The following NRG1 variants were observed in gnomAD, a reference collection of about 807,000 sequenced individuals.
NRG1 encodes the protein neuregulin 1, also known as pro-neuregulin-1, membrane-bound isoform.
Under a neutral mutation model 63.8 loss-of-function variants are expected in NRG1, and 18 were observed. That is an observed-to-expected ratio of 0.28 (90% CI 0.19 to 0.42). The LOEUF is 0.42. NRG1 is among the 10% of genes least tolerant of loss of function. NRG1 has a pLI of 1.00. For missense variants in NRG1, 762 were observed against 814.7 expected (o/e 0.94, Z 0.79); for synonymous variants, 302 against 301.3 (o/e 1.00, Z -0.02).
At chr8:31,855,024 A>G (rs1367154539) in intron 1 of NRG1, among the ~76,000 whole-genome samples, 1 of 151,970 alleles carries the variant, frequency 6.6e-6, no homozygotes, top group African/African-American at 2.4e-5. Flanking sequence ...GGAGAGCTTT[A>G]CCTCCAAGTA....
intron 1 of NRG1, among the ~76,000 whole-genome samples, chr8:31,901,697 C>G (rs138398118): frequency 6.6e-6 from 1 of 152,282 alleles, no homozygotes; most frequent in Admixed American, 6.5e-5. Flanking sequence ...GTCTGGTAAA[C>G]AATCCATGAT....
intron 1 of NRG1, among the ~76,000 whole-genome samples, chr8:31,800,035 G>A (rs977711006): frequency 7.2e-5 from 11 of 152,292 alleles, no homozygotes; most frequent in South Asian, 4.1e-4. Context: ...TGGAAACATC[G>A]TCATCTGTTG....
intron 1 of NRG1, among the ~76,000 whole-genome samples, chr8:31,695,952 C>A (rs906666393): frequency 6.6e-6 from 1 of 152,094 alleles, no homozygotes; most frequent in African/African-American, 2.4e-5. Flanking sequence ...GTTCTGCCCC[C>A]CTTAACTGTA....
At chr8:31,685,109 A>G (rs970752265) in intron 1 of NRG1, among the ~76,000 whole-genome samples, 2 of 150,020 alleles carry the variant, frequency 1.3e-5, no homozygotes, top group Admixed American at 1.3e-4. Flanking sequence ...TCAAGCTCAC[A>G]TATTAAAAAT....
chr8:32,656,019 T>A (rs1801403812), intron 5 of NRG1, among the ~76,000 whole-genome samples: 1 of 152,158 alleles, frequency 6.6e-6, no homozygotes. Flanking sequence ...AATTAACGTC[T>A]ATGAGTTGTT....
rs140478691 is a variant in NRG1 at position 31,662,609 on chromosome 8, C to T, written c.37+23178C>T. ...AGGAACTGTTTGTGTGAGATAGATGCAATGGTAAATAAGTCAAGGTCGTCA... is the reference window on the plus strand; with the variant it reads ...AGGAACTGTTTGTGTGAGATAGATGTAATGGTAAATAAGTCAAGGTCGTCA... On this transcript the variant is annotated intron_variant, in intron 1 of 10. Transcript: ENST00000519301. Among the ~76,000 whole-genome samples, 239 of 152,244 alleles carry T rather than the reference C, an allele frequency of 1.6e-3. 1 individual carries two copies. The highest frequency in any genetic ancestry group is 5.4e-3 in the African/African-American group (224 of 41,550).
chr8:32,300,200 G>A (rs537361302), intron 1 of NRG1, among the ~76,000 whole-genome samples: 2 of 152,088 alleles, frequency 1.3e-5, no homozygotes, highest in Admixed American at 6.5e-5. Context: ...TGAAAAAAAC[G>A]TGCAATATGA....
chr8:31,907,803 G>A (rs146137034), intron 1 of NRG1, among the ~76,000 whole-genome samples: 217 of 152,188 alleles, frequency 1.4e-3, no homozygotes, highest in Admixed American at 3.6e-3. Flanking sequence ...TTGAATTGAT[G>A]AACCTCTGAT....
intron 1 of NRG1, among the ~76,000 whole-genome samples, chr8:31,678,779 T>C (rs1167004048): frequency 7.1e-6 from 1 of 140,014 alleles, no homozygotes; most frequent in African/African-American, 3.0e-5. Flanking sequence ...ATATTGATAT[T>C]AAATATTTAA....
At chr8:31,927,921 G>T (rs1834523036) in intron 1 of NRG1, among the ~76,000 whole-genome samples, 2 of 147,400 alleles carry the variant, frequency 1.4e-5, no homozygotes, top group South Asian at 2.1e-4. Flanking sequence ...CAACGTGCAG[G>T]TTTGTTACAT....
At chr8:31,999,836 A>G (rs983944) in intron 1 of NRG1, among the ~76,000 whole-genome samples, 93,735 of 151,944 alleles carry the variant, frequency 0.62, 33,079 homozygotes, top group Non-Finnish European at 0.79. Context: ...TACATTTTGT[A>G]AATAAACAGC....
intron 1 of NRG1, among the ~76,000 whole-genome samples, chr8:31,975,097 A>C (rs1009327952): frequency 6.6e-6 from 1 of 152,154 alleles, no homozygotes; most frequent in Non-Finnish European, 1.5e-5. Flanking sequence ...AATAATTATA[A>C]TAGTGTAGAA....
At chr8:32,209,038 G>C (rs536970728) in intron 1 of NRG1, among the ~76,000 whole-genome samples, 3 of 152,208 alleles carry the variant, frequency 2.0e-5, no homozygotes, top group Admixed American at 2.0e-4. Context: ...TTTGAATCCT[G>C]TCTCTGCCAT....
chr8:32,053,063 TA>T (rs1040287904), intron 1 of NRG1, among the ~76,000 whole-genome samples: 1 of 152,132 alleles, frequency 6.6e-6, no homozygotes, highest in African/African-American at 2.4e-5. Context: ...CTAAGGTACA[TA>T]AGAATAAGAA....
At chr8:32,224,194 T>C (rs558702855) in intron 1 of NRG1, among the ~76,000 whole-genome samples, 1 of 152,340 alleles carries the variant, frequency 6.6e-6, no homozygotes, top group Admixed American at 6.5e-5. Context: ...TCTTGTTTAC[T>C]GTGTCTAAGG....
chr8:32,371,074 T>G (rs1056257066), intron 1 of NRG1, among the ~76,000 whole-genome samples: 2 of 151,824 alleles, frequency 1.3e-5, no homozygotes, highest in Non-Finnish European at 2.9e-5. Context: ...TAGCCGGGTG[T>G]GCTGGTGCAT....
At chr8:32,294,186 C>A (rs541282782) in intron 1 of NRG1, among the ~76,000 whole-genome samples, 4 of 152,280 alleles carry the variant, frequency 2.6e-5, no homozygotes, top group African/African-American at 7.2e-5. Context: ...AAGTCCTCCC[C>A]CTGCTGGTTA....
At chr8:31,710,194 A>G (rs1346565639) in intron 1 of NRG1, among the ~76,000 whole-genome samples, 1 of 151,832 alleles carries the variant, frequency 6.6e-6, no homozygotes, top group Non-Finnish European at 1.5e-5. Flanking sequence ...AATTACCATG[A>G]GAAAATTTTT....
chr8:32,473,721 T>C (rs75173413), intron 1 of NRG1, among the ~76,000 whole-genome samples: 2,319 of 152,292 alleles, frequency 0.015, 30 homozygotes, highest in South Asian at 0.069. Flanking sequence ...TCGTGTTCTG[T>C]CATCCAGGCT....
Sources: gnomAD v4.1 joint callset for allele counts (sites outside exome capture counted in the v4.1 genomes callset) on GRCh38, gnomAD v4.1.1 for gene constraint, MANE v1.5 for transcripts, NCBI Gene and HGNC (gene_info 2026-07-23, HGNC 2026-07-21) for gene names.